Variants in PKD1L1 observed in about 807,000 individuals in gnomAD.
PKD1L1 encodes the protein polycystin 1 like 1, transient receptor potential channel interacting.
Under a neutral mutation model 323.4 loss-of-function variants are expected in PKD1L1, and 236 were observed. The ratio of observed to expected loss-of-function variants is 0.73; its 90% CI spans 0.66 to 0.81. The LOEUF (loss-of-function observed/expected upper bound fraction) is 0.81, where lower values mean the gene tolerates loss of function less well. Among genes scored for constraint, PKD1L1 ranks in the 40% least tolerant of loss-of-function variants. PKD1L1 has a pLI of 0.00. For missense variants in PKD1L1, 3,320 were observed against 3,508.0 expected (o/e 0.95, Z 1.35); for synonymous variants, 1,344 against 1,335.0 (o/e 1.01, Z -0.15).
At chr7:47,952,640 G>A (rs1201288086), upstream of PKD1L1, among the ~76,000 whole-genome samples, 1 of 152,162 alleles carries the variant, frequency 6.6e-6, no homozygotes, top group Non-Finnish European at 1.5e-5. Context: ...AATTTGCAGG[G>A]AAATATGTGT....
Position 47,908,155 on chromosome 7 carries a change from C to A in PKD1L1, c.1324G>T (p.Val442Leu), listed in dbSNP as rs139392810. The change falls in exon 9 of 57, where the codon GTG becomes TTG. Residue 442 changes from valine to leucine, a missense_variant. Transcript: ENST00000289672. Reference protein sequence around the residue: ...PYYVEIGHEAVSAFMNSSSVH... With the variant: ...PYYVEIGHEALSAFMNSSSVH... ...CTGCTGGAGTTCATGAACGCAGACA[C>A]GGCCTCATGGCCAATCTCCACATAA... is the stretch of plus-strand genomic sequence containing the variant. The A allele has an allele frequency of 2.3e-5, 37 of 1,614,212 alleles. No homozygotes were observed. The highest frequency in any genetic ancestry group is 2.8e-5 in the Non-Finnish European group (33 of 1,180,014).
At chr7:47,852,582 G>A (rs1785805380) in intron 31 of PKD1L1, among the ~76,000 whole-genome samples, 1 of 152,174 alleles carries the variant, frequency 6.6e-6, no homozygotes, top group Admixed American at 6.5e-5. Context: ...CTGAGCTCCA[G>A]TTTCTTGCTT....
intron 31 of PKD1L1, among the ~76,000 whole-genome samples, chr7:47,850,128 A>T (rs138769296): frequency 0.035 from 5,300 of 152,298 alleles, 152 homozygotes; most frequent in South Asian, 0.14. Flanking sequence ...GAACTTATTC[A>T]TGTAACCAAA....
intron 53 of PKD1L1, 42 bp from the exon 54 acceptor site, chr7:47,800,921 T>G: frequency 2.0e-6 from 3 of 1,530,994 alleles, no homozygotes; most frequent in Non-Finnish European, 2.7e-6. Context: ...TTGTCACCTC[T>G]TCTTAGGAGT....
Position 47,885,809 on chromosome 7 carries a change from G to A in PKD1L1, c.3082C>T (p.Leu1028=). The A allele has an allele frequency of 6.2e-7, 1 of 1,614,164 alleles. No individual in the cohort carries two copies. The highest frequency in any genetic ancestry group is 8.5e-7 in the Non-Finnish European group (1 of 1,180,026). The change falls in exon 18 of 57, where the codon CTG becomes TTG. Residue 1028 remains leucine, a synonymous_variant. Transcript: ENST00000289672. Reference sequence around the variant, plus strand: ...GAACCTTCCTCTGGAGCCTCCCCCAGGACTGCAGAGTCCCCCGCAGGAGGA... The same window carrying A: ...GAACCTTCCTCTGGAGCCTCCCCCAAGACTGCAGAGTCCCCCGCAGGAGGA... ...WIPPAGDSAV[L]GEAPEEGSLD...
Position 47,888,063 on chromosome 7 carries a change from G to A in PKD1L1, c.2763C>T (p.Cys921=), listed in dbSNP as rs967327234. 6.2e-7 allele frequency: 1 copy of A among 1,613,864 alleles called. No homozygotes were observed. ...AATAAGACAGATTCGGTATTTCACT[G>A]CAGTCCTCACACATAGCTTGAAGAG... ...ELSLQAMCED[C]SEIPNLSYSW... is the part of the protein sequence containing the mutation. Residue 921 remains cysteine (C), a synonymous_variant, in exon 17 of 57, where the codon TGC becomes TGT. Coordinates refer to ENST00000289672, the MANE Select transcript of PKD1L1 (RefSeq NM_138295.5).
Position 47,827,365 on chromosome 7 carries a change from G to A in PKD1L1, c.6839C>T (p.Thr2280Ile), listed in dbSNP as rs1333187786. Reference protein sequence around the residue: ...TRQRMRRESRTRAALRDISMD... With the variant: ...TRQRMRRESRIRAALRDISMD... ...CGCCACCCACCTCAGGGCAGCCCGTGTGCGACTCTCTCTCCTCATCCTCTG... is the reference window on the plus strand; with the variant it reads ...CGCCACCCACCTCAGGGCAGCCCGTATGCGACTCTCTCTCCTCATCCTCTG... The change falls in exon 45 of 57, where the codon ACA becomes ATA. Residue 2280 changes from threonine (T) to isoleucine (I), a missense_variant. Coordinates refer to ENST00000289672, the MANE Select transcript of PKD1L1 (RefSeq NM_138295.5). 1.9e-6 allele frequency: 3 copies of A among 1,612,544 alleles called. No individual in the cohort carries two copies. The highest frequency in any genetic ancestry group is 1.3e-5 in the African/African-American group (1 of 75,044).
chr7:47,939,690 C>T (rs1284118084), intron 3 of PKD1L1, among the ~76,000 whole-genome samples: 6 of 152,190 alleles, frequency 3.9e-5, no homozygotes, highest in South Asian at 2.1e-4. Flanking sequence ...CCCCACACTG[C>T]GCAAGTTAAG....
At chr7:47,864,430 G>T (rs1432318547) in intron 26 of PKD1L1, among the ~76,000 whole-genome samples, 2 of 152,070 alleles carry the variant, frequency 1.3e-5, no homozygotes, top group African/African-American at 4.8e-5. Flanking sequence ...AAGGTGTGAC[G>T]AAGGAAAAAC....
intron 53 of PKD1L1, among the ~76,000 whole-genome samples, chr7:47,801,555 G>A (rs1202250911): frequency 2.6e-5 from 4 of 152,154 alleles, no homozygotes; most frequent in Non-Finnish European, 5.9e-5. Context: ...GACTGTGGAC[G>A]GGCCTACAGA....
Position 47,931,939 on chromosome 7 carries a change from G to T in PKD1L1, c.516C>A (p.Leu172=). ...ATTGCAGGGGTTAGATACCAACCTG[G>T]AGAAGAGCAGAGAATGTGCTGTCTG... The part of the protein sequence containing the change: ...GTADSTFSAL[L]QLQGTTSAAA... Residue 172 remains leucine (L), a synonymous_variant, in exon 5 of 57, where the codon CTC becomes CTA. Transcript: ENST00000289672. The T allele has an allele frequency of 6.2e-7, 1 of 1,610,876 alleles. No individual in the cohort carries two copies. The highest frequency in any genetic ancestry group is 1.1e-5 in the South Asian group (1 of 90,538).
In PKD1L1 at chr7:47,847,003, CTAAA is replaced by C. The variant is rs1411178016; in HGVS notation, c.5025_5028del (p.Tyr1675Ter). 1 of 1,612,844 alleles carries C rather than the reference CTAAA, an allele frequency of 6.2e-7. No individual in the cohort carries two copies. The highest frequency in any genetic ancestry group is 8.5e-7 in the Non-Finnish European group (1 of 1,179,498). On this transcript the variant is annotated frameshift_variant, in exon 32 of 57. Coordinates refer to ENST00000289672, the MANE Select transcript of PKD1L1 (RefSeq NM_138295.5). LOFTEE classifies it high-confidence loss of function. ...TGTACTGTATAGTTCACTGCCTTAG[CTAAA>C]TATCTGTTTGGAGGTTTTCTGTCAT...
At position 47,807,509 on chromosome 7, in the gene PKD1L1, A is replaced by T. The variant is rs73692831; in HGVS notation, c.7827+738T>A. On this transcript the variant is annotated intron_variant, in intron 52 of 56. Transcript: ENST00000289672. ...TGGGGGTGGCCCTGGGGCCCTGACC[A>T]CCCTCTAGATGGGAAAAGGAGGACA... Among the ~76,000 whole-genome samples, 1,143 of 152,196 alleles carry T rather than the reference A, an allele frequency of 7.5e-3. 21 individuals carry two copies. The highest frequency in any genetic ancestry group is 0.026 in the African/African-American group (1,087 of 41,546).
chr7:47,943,189 T>C (rs1461488769), intron 2 of PKD1L1, among the ~76,000 whole-genome samples: 4 of 142,086 alleles, frequency 2.8e-5, no homozygotes, highest in African/African-American at 7.7e-5. Context: ...TATATATATA[T>C]ATATATATGT....
intron 52 of PKD1L1, among the ~76,000 whole-genome samples, chr7:47,807,478 C>T (rs1006916022): frequency 2.0e-5 from 3 of 152,122 alleles, no homozygotes; most frequent in Non-Finnish European, 2.9e-5. Flanking sequence ...AGGACTCACC[C>T]AGCCCTGGGG....
Position 47,876,292 on chromosome 7 carries a change from C to T in PKD1L1, c.3664-75G>A, listed in dbSNP as rs4724656. ...AATGATATCACAATACATACACACA[C>T]AGCTGAGCCTTCATTGTACCAAGGA... On this transcript the variant is annotated intron_variant, in intron 22 of 56. Transcript: ENST00000289672. 0.3 allele frequency: 443,726 copies of T among 1,494,424 alleles called. 70,315 individuals are homozygous for T. The highest frequency in any genetic ancestry group is 0.57 in the African/African-American group (41,599 of 72,544). The allele number at this position is 1,494,424 out of a possible 1,614,324, so 92.6% of individuals were successfully genotyped here.
At chr7:47,873,216 G>A (rs906951274) in intron 24 of PKD1L1, among the ~76,000 whole-genome samples, 1 of 152,092 alleles carries the variant, frequency 6.6e-6, no homozygotes, top group Non-Finnish European at 1.5e-5. Flanking sequence ...GGTTTTCACG[G>A]GATGATGAAA....
At chr7:47,894,766 G>T (rs990529627) in intron 14 of PKD1L1, among the ~76,000 whole-genome samples, 4 of 151,080 alleles carry the variant, frequency 2.6e-5, no homozygotes, top group Non-Finnish European at 5.9e-5. Context: ...CACAAGAATC[G>T]CTTGAACCCA....
intron 31 of PKD1L1, among the ~76,000 whole-genome samples, chr7:47,847,766 T>G (rs188520012): frequency 1.3e-5 from 2 of 152,108 alleles, no homozygotes; most frequent in African/African-American, 2.4e-5. Context: ...AAAAACAAAC[T>G]GCACAAGTAC....
Sources: gnomAD v4.1 joint callset for allele counts (sites outside exome capture counted in the v4.1 genomes callset) on GRCh38, gnomAD v4.1.1 for gene constraint, MANE v1.5 for transcripts, NCBI Gene and HGNC (gene_info 2026-07-23, HGNC 2026-07-21) for gene names.